The following TNFRSF19 variants were observed in gnomAD, a reference collection of about 807,000 sequenced individuals.
The protein encoded by TNFRSF19 is TNF receptor superfamily member 19, also known as tumor necrosis factor receptor superfamily member 19.
Under a neutral mutation model 46.4 loss-of-function variants are expected in TNFRSF19, and 27 were observed. That is an observed-to-expected ratio of 0.58 (90% CI 0.43 to 0.80). The LOEUF (loss-of-function observed/expected upper bound fraction) is 0.80. Among genes scored for constraint, TNFRSF19 ranks in the 30% least tolerant of loss-of-function variants. TNFRSF19 has a pLI of 0.00. For missense variants in TNFRSF19, 511 were observed against 530.8 expected (o/e 0.96, Z 0.37); for synonymous variants, 204 against 205.0 (o/e 1.00, Z 0.04).
At chr13:23,619,171 A>G (rs1304592883) in intron 4 of TNFRSF19, among the ~76,000 whole-genome samples, 1 of 152,192 alleles carries the variant, frequency 6.6e-6, no homozygotes, top group African/African-American at 2.4e-5. Flanking sequence ...AATGGGATAT[A>G]TTCAAACAAT....
At chr13:23,633,001 AC>A (rs762366706) in intron 5 of TNFRSF19, among the ~76,000 whole-genome samples, 7 of 151,908 alleles carry the variant, frequency 4.6e-5, no homozygotes, top group Non-Finnish European at 1.0e-4. Context: ...CTAATGACTG[AC>A]CCCTGAGGTT....
At chr13:23,645,102 A>G (rs1289424578) in intron 5 of TNFRSF19, among the ~76,000 whole-genome samples, 3 of 152,240 alleles carry the variant, frequency 2.0e-5, no homozygotes, top group African/African-American at 7.2e-5. Context: ...AAGGGGCTAC[A>G]ATGGGCAGGG....
At chr13:23,631,946 G>T (rs1226250634) in intron 5 of TNFRSF19, among the ~76,000 whole-genome samples, 1 of 152,218 alleles carries the variant, frequency 6.6e-6, no homozygotes, top group Non-Finnish European at 1.5e-5. Flanking sequence ...AGACGCAGAT[G>T]AGATATAGAT....
chr13:23,630,960 T>A (rs1190999813), intron 5 of TNFRSF19, among the ~76,000 whole-genome samples: 1 of 152,064 alleles, frequency 6.6e-6, no homozygotes, highest in Non-Finnish European at 1.5e-5. Flanking sequence ...AGATAAGGGA[T>A]CAGATAAATC....
At chr13:23,583,154 C>T in intron 1 of TNFRSF19, among the ~76,000 whole-genome samples, 1 of 152,170 alleles carries the variant, frequency 6.6e-6, no homozygotes, top group Admixed American at 6.5e-5. Context: ...GTTTGTTACA[C>T]TTTCATTTCT....
At position 23,615,996 on chromosome 13, in the gene TNFRSF19, G is replaced by A. The variant is rs1010715291; in HGVS notation, c.310G>A (p.Ala104Thr). The A allele has an allele frequency of 2.5e-6, 4 of 1,612,840 alleles. No homozygotes were observed. Among genetic ancestry groups the A allele is most frequent in the Middle Eastern group, 1.7e-4 (1 of 6,050 alleles). The change falls in exon 4 of 10, where the codon GCA (alanine) becomes ACA (threonine). Residue 104 changes from alanine to threonine, a missense_variant. Ala to Thr is a moderately conservative substitution (Grantham distance 58). This residue lies in a region of TNFRSF19 where 121 missense variants were observed against 124.1 expected (regional missense o/e 0.98). Transcript: ENST00000248484. ...DCAVVNRFQK[A>T]NCSATSDAIC... Reference sequence around the variant, plus strand: ...CGCAGTGGTGAACCGCTTTCAGAAGGCAAATTGTTCAGCCACCAGTGATGC... The same window carrying A: ...CGCAGTGGTGAACCGCTTTCAGAAGACAAATTGTTCAGCCACCAGTGATGC...
chr13:23,616,948 A>G (rs528286682), intron 4 of TNFRSF19, among the ~76,000 whole-genome samples: 60 of 152,316 alleles, frequency 3.9e-4, no homozygotes, highest in African/African-American at 1.3e-3. Flanking sequence ...AAGATAGAAG[A>G]TGATAACTGC....
chr13:23,611,109 G>GAC (rs928715202), intron 3 of TNFRSF19, among the ~76,000 whole-genome samples: 6 of 137,944 alleles, frequency 4.3e-5, no homozygotes, highest in Admixed American at 2.2e-4. Context: ...CCCCTCACCA[G>GAC]ACACACACAC....
chr13:23,571,269 A>C (rs943459681), intron 1 of TNFRSF19, among the ~76,000 whole-genome samples: 7 of 152,238 alleles, frequency 4.6e-5, no homozygotes. Flanking sequence ...TCTTATATAA[A>C]AGAGTAAAAT....
chr13:23,613,489 C>T (rs1881042393), intron 3 of TNFRSF19, among the ~76,000 whole-genome samples: 1 of 152,200 alleles, frequency 6.6e-6, no homozygotes, highest in Non-Finnish European at 1.5e-5. Flanking sequence ...CATTTATTTC[C>T]AGTTAATGCA....
At chr13:23,617,771 G>A (rs963692636) in intron 4 of TNFRSF19, among the ~76,000 whole-genome samples, 2 of 152,204 alleles carry the variant, frequency 1.3e-5, no homozygotes, top group African/African-American at 4.8e-5. Context: ...AATGTTTTAA[G>A]AAGGAAGAAA....
At chr13:23,640,267 GCTTA>G (rs1447326205) in intron 5 of TNFRSF19, among the ~76,000 whole-genome samples, 2 of 152,148 alleles carry the variant, frequency 1.3e-5, no homozygotes, top group African/African-American at 2.4e-5. Flanking sequence ...GTGACTTCTA[GCTTA>G]CTTTTAAAAA....
In TNFRSF19 at chr13:23,674,425, C is replaced by G. The variant is rs1371928275; in HGVS notation, c.*1045C>G. 1 of 152,152 alleles carries G rather than the reference C, an allele frequency of 6.6e-6. No homozygotes were observed. The highest frequency in any genetic ancestry group is 1.5e-5 in the Non-Finnish European group (1 of 68,028). 9.4% of individuals were successfully genotyped at this position (152,152 alleles called of 1,614,324 possible). Reference sequence around the variant, plus strand: ...TTTGGATGAAGCAGCTGTAACTGCCCTAGTGTAGTTTGACCAGGACATTGT... The same window carrying G: ...TTTGGATGAAGCAGCTGTAACTGCCGTAGTGTAGTTTGACCAGGACATTGT... On this transcript the variant is annotated 3_prime_UTR_variant, in exon 10 of 10. Transcript: ENST00000248484.
At position 23,608,468 on chromosome 13, in the gene TNFRSF19, A is replaced by G. The variant is rs886618821; in HGVS notation, c.181-7399A>G. On this transcript the variant is annotated intron_variant, in intron 3 of 9. Transcript: ENST00000248484. ...ATCTTATGGACAGGGAAACTGGGAC[A>G]CAGTGGTTCACTGATTTGTCCATTG... is the stretch of plus-strand genomic sequence containing the variant. 2.0e-5 allele frequency among the ~76,000 whole-genome samples: 3 copies of G among 152,252 alleles called. No individual in the cohort carries two copies. The East Asian group carries it at 5.8e-4, about 29-fold the overall frequency.
At chr13:23,641,485 A>G (rs1436586154) in intron 5 of TNFRSF19, among the ~76,000 whole-genome samples, 1 of 152,050 alleles carries the variant, frequency 6.6e-6, no homozygotes, top group African/African-American at 2.4e-5. Flanking sequence ...ATATGCCACC[A>G]CATCTGGCTA....
intron 6 of TNFRSF19, 68 bp from the exon 7 acceptor site, chr13:23,660,297 G>A: frequency 6.8e-7 from 1 of 1,467,580 alleles, no homozygotes. Context: ...AAATACAAAA[G>A]CTAGAATGGC....
intron 7 of TNFRSF19, among the ~76,000 whole-genome samples, chr13:23,663,491 T>C (rs1884505733): frequency 6.6e-6 from 1 of 152,172 alleles, no homozygotes. Context: ...TTTTGTTGTA[T>C]CTCTGCCAAA....
intron 1 of TNFRSF19, among the ~76,000 whole-genome samples, chr13:23,575,048 C>G (rs1276677999): frequency 6.6e-6 from 1 of 152,226 alleles, no homozygotes; most frequent in East Asian, 1.9e-4. Context: ...TTTTCTCCAT[C>G]CTGTTAAATG....
At chr13:23,665,894 T>C (rs995085351) in intron 7 of TNFRSF19, among the ~76,000 whole-genome samples, 3 of 152,226 alleles carry the variant, frequency 2.0e-5, no homozygotes, top group Non-Finnish European at 2.9e-5. Context: ...TTGTCAAATA[T>C]GTTTGGTCTC....
Sources: allele counts gnomAD v4.1 joint callset (sites outside exome capture counted in the v4.1 genomes callset), GRCh38; gene constraint gnomAD v4.1.1; regional missense constraint gnomAD v4.1.1; transcripts MANE v1.5; gene names NCBI Gene and HGNC (gene_info 2026-07-23, HGNC 2026-07-21).